The following COL4A2 variants were observed in gnomAD, a reference collection of about 807,000 sequenced individuals.
The protein encoded by COL4A2 is collagen alpha-2(IV) chain.
Under a neutral mutation model 200.2 loss-of-function variants are expected in COL4A2, and 99 were observed. The observed-to-expected ratio is 0.49, with a 90% confidence interval of 0.42 to 0.58. The LOEUF (loss-of-function observed/expected upper bound fraction) is 0.58, where lower values mean the gene tolerates loss of function less well. COL4A2 is among the 20% of genes least tolerant of loss of function. The pLI, the probability that COL4A2 is intolerant of heterozygous loss-of-function variation, is 0.00. For synonymous variants in COL4A2, 897 were observed against 900.6 expected (o/e 1.00, Z 0.07); for missense variants, 1,950 against 2,314.1 (o/e 0.84, Z 3.23).
chr13:110,418,738 T>G (rs61963222), intron 4 of COL4A2, among the ~76,000 whole-genome samples: 2,482 of 150,374 alleles, frequency 0.017, 30 homozygotes, highest in Non-Finnish European at 0.023. Flanking sequence ...GAGACAGAGA[T>G]AGAAAGTGTC....
intron 27 of COL4A2, chr13:110,468,125 A>G: frequency 2.1e-6 from 1 of 470,744 alleles, no homozygotes; most frequent in South Asian, 1.5e-5. Context: ...AATGAGAGTT[A>G]GGAAAGTGGA....
At chr13:110,435,771 T>C (rs543668553) in intron 12 of COL4A2, among the ~76,000 whole-genome samples, 74 of 152,240 alleles carry the variant, frequency 4.9e-4, no homozygotes, top group Admixed American at 1.0e-3. Context: ...TTTCTGCTAA[T>C]GATAAAAATG....
chr13:110,313,485 C>T (rs1721236745), intron 3 of COL4A2, among the ~76,000 whole-genome samples: 2 of 151,966 alleles, frequency 1.3e-5, no homozygotes, highest in Non-Finnish European at 1.5e-5. Context: ...CGCGTCCACC[C>T]GGCAGGCTCC....
At chr13:110,402,325 T>C (rs1879399928) in intron 4 of COL4A2, among the ~76,000 whole-genome samples, 2 of 152,224 alleles carry the variant, frequency 1.3e-5, no homozygotes, top group South Asian at 4.1e-4. Flanking sequence ...ACATTTCTAT[T>C]CTAAAAGGGA....
intron 4 of COL4A2, among the ~76,000 whole-genome samples, chr13:110,358,022 C>A (rs2104722): frequency 0.51 from 76,838 of 151,970 alleles, 20,871 homozygotes; most frequent in Admixed American, 0.62. Flanking sequence ...CAATATTTTT[C>A]TTTCTTCAGT....
intron 3 of COL4A2, among the ~76,000 whole-genome samples, chr13:110,351,373 C>T (rs61964326): frequency 0.18 from 28,120 of 152,108 alleles, 2,776 homozygotes; most frequent in South Asian, 0.39. Flanking sequence ...CCGCACCCAG[C>T]CTTCTCTCCT....
At chr13:110,416,762 T>A (rs1461156235) in intron 4 of COL4A2, among the ~76,000 whole-genome samples, 1 of 152,204 alleles carries the variant, frequency 6.6e-6, no homozygotes, top group East Asian at 1.9e-4. Context: ...GATTTGAAAA[T>A]TTGTCTATAG....
intron 4 of COL4A2, among the ~76,000 whole-genome samples, chr13:110,416,644 G>A (rs186262284): frequency 5.0e-3 from 759 of 152,308 alleles, no homozygotes; most frequent in Non-Finnish European, 8.0e-3. Flanking sequence ...GTGGGGAAGA[G>A]GAGATCATCC....
intron 34 of COL4A2, among the ~76,000 whole-genome samples, chr13:110,486,529 C>T (rs1040734585): frequency 2.0e-5 from 3 of 152,196 alleles, no homozygotes; most frequent in Non-Finnish European, 4.4e-5. Flanking sequence ...CCCTAGCACA[C>T]GGCTGGCCTT....
At chr13:110,466,202 T>C in intron 26 of COL4A2, 140 bp downstream of exon 26, 1 of 919,538 alleles carries the variant, frequency 1.1e-6, no homozygotes, top group Middle Eastern at 2.2e-4. Context: ...CACAACATAG[T>C]GGCCTGGTGA....
intron 3 of COL4A2, among the ~76,000 whole-genome samples, chr13:110,350,841 G>C (rs926622094): frequency 2.0e-4 from 31 of 152,180 alleles, no homozygotes; most frequent in Non-Finnish European, 4.0e-4. Context: ...GCGGGGGCCA[G>C]CTGGGAGAGC....
intron 32 of COL4A2, among the ~76,000 whole-genome samples, chr13:110,484,100 A>G (rs1455568586): frequency 6.6e-6 from 1 of 152,056 alleles, no homozygotes; most frequent in Non-Finnish European, 1.5e-5. Flanking sequence ...TCAGGCAAAA[A>G]AAAAAAATGA....
chr13:110,431,362 C>CATAT (rs1200838207), intron 10 of COL4A2, among the ~76,000 whole-genome samples: 1 of 152,108 alleles, frequency 6.6e-6, no homozygotes, highest in African/African-American at 2.4e-5. Flanking sequence ...AAAATGAAGT[C>CATAT]ATATATGTCT....
intron 22 of COL4A2, chr13:110,459,217 G>GT (rs1881917615): frequency 6.0e-6 from 2 of 331,918 alleles, no homozygotes; most frequent in Non-Finnish European, 1.1e-5. Context: ...CACTCCTGGT[G>GT]TATCCCCAAG....
At chr13:110,406,542 G>A (rs1270741747) in intron 4 of COL4A2, among the ~76,000 whole-genome samples, 3 of 152,150 alleles carry the variant, frequency 2.0e-5, no homozygotes, top group Non-Finnish European at 4.4e-5. Context: ...GCACATCCCA[G>A]GAGAAGTTTC....
Position 110,512,372 on chromosome 13 carries a change from G to T in COL4A2, c.*181G>T, listed in dbSNP as rs1337650957. The T allele has an allele frequency of 7.6e-6, 8 of 1,048,112 alleles. No individual in the cohort carries two copies. The South Asian group carries it at 1.0e-4, about 14-fold the overall frequency. 64.9% of individuals were successfully genotyped at this position (1,048,112 alleles called of 1,614,324 possible). A position where few individuals can be genotyped will look rare whatever the true frequency, so the allele number is the denominator to read the frequency against. On this transcript the variant is annotated 3_prime_UTR_variant, in exon 48 of 48. Coordinates refer to ENST00000360467, the MANE Select transcript of COL4A2 (RefSeq NM_001846.4). Reference sequence around the variant, plus strand: ...TCACCGAGCGGGTGCAAGCACTCGGGGTCCCTGGAGGGCAAGCCCTGCCCA... The same window carrying T: ...TCACCGAGCGGGTGCAAGCACTCGGTGTCCCTGGAGGGCAAGCCCTGCCCA...
intron 4 of COL4A2, among the ~76,000 whole-genome samples, chr13:110,369,344 A>G (rs1358514331): frequency 6.6e-6 from 1 of 152,234 alleles, no homozygotes; most frequent in East Asian, 1.9e-4. Flanking sequence ...CCTGGCACTC[A>G]AAGGTCATCT....
chr13:110,432,495 T>G, intron 11 of COL4A2, 135 bp downstream of exon 11: 3 of 1,125,624 alleles, frequency 2.7e-6, no homozygotes, highest in Non-Finnish European at 2.4e-6. Flanking sequence ...GTTTTGGAGG[T>G]TTTTAAGACT....
At chr13:110,417,223 G>A (rs1219751188) in intron 4 of COL4A2, among the ~76,000 whole-genome samples, 1 of 152,062 alleles carries the variant, frequency 6.6e-6, no homozygotes, top group Non-Finnish European at 1.5e-5. Context: ...CCAAAGTGCT[G>A]GGATTACAGG....
Sources: allele counts gnomAD v4.1 joint callset (sites outside exome capture counted in the v4.1 genomes callset), GRCh38; gene constraint gnomAD v4.1.1; transcripts MANE v1.5; gene names NCBI Gene and HGNC (gene_info 2026-07-23, HGNC 2026-07-21).